The following ANKRD7 variants were observed in gnomAD, a reference collection of about 807,000 sequenced individuals.
ANKRD7 encodes ankyrin repeat domain-containing protein 7.
ANKRD7 carries 30 observed loss-of-function variants against 30.8 expected under a neutral mutation model. The observed-to-expected ratio is 0.97, with a 90% confidence interval of 0.73 to 1.32. The LOEUF (loss-of-function observed/expected upper bound fraction) is 1.32. Among genes scored for constraint, ANKRD7 ranks in the 40% most tolerant of loss-of-function variants. The probability of loss-of-function intolerance (pLI) is 0.00; values close to 1 mark genes in which losing one functional copy is unlikely to be tolerated. For synonymous variants in ANKRD7, 97 were observed against 106.6 expected, an observed-to-expected ratio of 0.91 and a Z score of 0.55; for missense variants, 264 against 295.7, an observed-to-expected ratio of 0.89 and a Z score of 0.79.
chr7:118,242,226 T>A (rs1233682476), intron 6 of ANKRD7, 123 bp from the exon 7 acceptor site: 1 of 152,206 alleles, frequency 6.6e-6, no homozygotes, highest in African/African-American at 2.4e-5. Flanking sequence ...AAAATTACTA[T>A]TAGATATAGA....
chr7:118,234,990 A>G lies in ANKRD7; in HGVS notation c.468+116A>G, dbSNP rs1809702978. On this transcript the variant is annotated intron_variant, in intron 3 of 6. Coordinates refer to ENST00000265224, the MANE Select transcript of ANKRD7 (RefSeq NM_019644.4). ...ATATAAAGCATGAATTTTCCAAACT[A>G]AAATTGGGGAGAAAGAGAAGAGATT... The G allele has an allele frequency of 1.5e-5, 12 of 825,468 alleles. 1 individual carries two copies. Among genetic ancestry groups the G allele is most frequent in the Non-Finnish European group, 2.1e-5 (12 of 571,610 alleles). The allele number at this position is 825,468 out of a possible 1,614,324, so 51.1% of individuals were successfully genotyped here.
intron 1 of ANKRD7, among the ~76,000 whole-genome samples, chr7:118,231,177 A>G (rs1809632574): frequency 1.3e-5 from 2 of 152,062 alleles, no homozygotes; most frequent in South Asian, 4.1e-4. Context: ...TTTTAAACAA[A>G]GATCTGCAAA....
At chr7:118,232,287 T>C (rs561911575) in intron 1 of ANKRD7, among the ~76,000 whole-genome samples, 1 of 152,262 alleles carries the variant, frequency 6.6e-6, no homozygotes, top group African/African-American at 2.4e-5. Flanking sequence ...ATGTTAAATC[T>C]GTATGTTTTT....
chr7:118,234,517 A>T lies in ANKRD7; in HGVS notation c.266A>T (p.Asp89Val), dbSNP rs1809693820. The T allele has an allele frequency of 6.2e-7, 1 of 1,612,426 alleles. No individual in the cohort carries two copies. The highest frequency in any genetic ancestry group is 1.1e-5 in the South Asian group (1 of 90,646). ...IEQQCKINVR[D>V]SENKSPLIKA... ...CAACAATGCAAAATAAATGTCCGGG[A>T]TAGTGAAAACAAATCCCCATTGATT... Residue 89 changes from aspartate (D) to valine (V), a missense_variant, in exon 2 of 7, where the codon GAT (aspartate) becomes GTT (valine). Transcript: ENST00000265224.
chr7:118,229,364 T>C (rs1809595235), intron 1 of ANKRD7, among the ~76,000 whole-genome samples: 1 of 152,188 alleles, frequency 6.6e-6, no homozygotes, highest in African/African-American at 2.4e-5. Context: ...TTATGTACTT[T>C]TTATCTTTTA....
chr7:118,235,891 G>C (rs1584725293), intron 3 of ANKRD7, 150 bp from the exon 4 acceptor site: 2 of 506,880 alleles, frequency 3.9e-6, no homozygotes, highest in East Asian at 6.6e-5. Flanking sequence ...CTTGGTCTTT[G>C]AAATCACATT....
At chr7:118,225,057 T>G in intron 1 of ANKRD7, 48 bp downstream of exon 1, 1 of 1,596,806 alleles carries the variant, frequency 6.3e-7, no homozygotes, top group Non-Finnish European at 8.5e-7. Flanking sequence ...GGGGCCTGGG[T>G]CGTTCAACCA....
intron 1 of ANKRD7, among the ~76,000 whole-genome samples, chr7:118,227,015 T>G (rs1421319573): frequency 6.6e-6 from 1 of 152,180 alleles, no homozygotes; most frequent in Non-Finnish European, 1.5e-5. Context: ...ATTGCTATTT[T>G]GTTAGCTTTC....
chr7:118,235,175 T>C (rs1183890576), intron 3 of ANKRD7, among the ~76,000 whole-genome samples: 2 of 152,162 alleles, frequency 1.3e-5, no homozygotes, highest in Non-Finnish European at 2.9e-5. Context: ...TGGGTATTGA[T>C]AAAAATCATA....
At chr7:118,235,543 C>T (rs1462600255) in intron 3 of ANKRD7, among the ~76,000 whole-genome samples, 7 of 135,882 alleles carry the variant, frequency 5.2e-5, no homozygotes, top group Admixed American at 8.4e-5. Flanking sequence ...ACCCGGGAGG[C>T]GGGGCTTGCA....
intron 6 of ANKRD7, among the ~76,000 whole-genome samples, chr7:118,240,223 A>G (rs547626905): frequency 6.6e-6 from 1 of 152,260 alleles, no homozygotes; most frequent in Admixed American, 6.5e-5. Flanking sequence ...CAGGTTAGTT[A>G]CATATGTATA....
chr7:118,225,322 A>C (rs1021795071), intron 1 of ANKRD7, among the ~76,000 whole-genome samples: 1 of 152,054 alleles, frequency 6.6e-6, no homozygotes. Flanking sequence ...CCCCGTCTCT[A>C]ACCAAAAATG....
At chr7:118,236,509 G>A (rs2116019021) in intron 4 of ANKRD7, among the ~76,000 whole-genome samples, 1 of 152,172 alleles carries the variant, frequency 6.6e-6, no homozygotes, top group South Asian at 2.1e-4. Flanking sequence ...TTCCTTCATG[G>A]AATTTTGAGA....
chr7:118,236,210 A>ATATG (rs374969026), intron 4 of ANKRD7, 63 bp downstream of exon 4: 295 of 605,818 alleles, frequency 4.9e-4, no homozygotes, highest in Non-Finnish European at 6.7e-4. Context: ...GTGTGTGCGT[A>ATATG]TGTGTGTGTG....
chr7:118,232,430 A>G (rs1247906840), intron 1 of ANKRD7, among the ~76,000 whole-genome samples: 2 of 152,052 alleles, frequency 1.3e-5, no homozygotes, highest in Non-Finnish European at 2.9e-5. Context: ...TGCATGCTCA[A>G]AGCTAGATTA....
At chr7:118,241,102 C>T (rs1292003875) in intron 6 of ANKRD7, among the ~76,000 whole-genome samples, 2 of 134,426 alleles carry the variant, frequency 1.5e-5, no homozygotes, top group Non-Finnish European at 3.0e-5. Context: ...TGCAGTGAGC[C>T]GAGATTGCGC....
At chr7:118,234,596 T>G in intron 2 of ANKRD7, 51 bp downstream of exon 2, 1 of 1,558,396 alleles carries the variant, frequency 6.4e-7, no homozygotes, top group Non-Finnish European at 8.7e-7. Context: ...GTTCTCCTAG[T>G]TAATTTTTGT....
chr7:118,241,148 G>A (rs1388467421), intron 6 of ANKRD7, among the ~76,000 whole-genome samples: 1 of 117,140 alleles, frequency 8.5e-6, no homozygotes, highest in African/African-American at 3.3e-5. Flanking sequence ...GCGACAGAGC[G>A]AGACTCCGTC....
intron 5 of ANKRD7, 120 bp downstream of exon 5, chr7:118,237,046 T>A (rs1287131630): frequency 2.0e-6 from 2 of 1,010,078 alleles, no homozygotes; most frequent in African/African-American, 3.3e-5. Context: ...CATACAAATC[T>A]GTGCAGGGAT....
Sources: allele counts gnomAD v4.1 joint callset (sites outside exome capture counted in the v4.1 genomes callset), GRCh38; gene constraint gnomAD v4.1.1; transcripts MANE v1.5; gene names NCBI Gene and HGNC (gene_info 2026-07-23, HGNC 2026-07-21).